Variants in RPS6KC1 observed in about 807,000 individuals in gnomAD.
RPS6KC1 encodes inactive ribosomal protein S6 kinase delta-1.
RPS6KC1 carries 54 observed loss-of-function variants against 103.8 expected under a neutral mutation model. The observed-to-expected ratio is 0.52, with a 90% CI of 0.42 to 0.65. The LOEUF is 0.65. RPS6KC1 is among the 30% of genes least tolerant of loss of function. The pLI, the probability that RPS6KC1 is intolerant of heterozygous loss-of-function variation, is 0.00. For missense variants in RPS6KC1, 1,151 were observed against 1,253.8 expected (o/e 0.92, Z 1.24); for synonymous variants, 439 against 438.7 (o/e 1.00, Z -0.01).
chr1:213,151,833 A>C (rs1415817300), intron 6 of RPS6KC1, among the ~76,000 whole-genome samples: 5 of 77,542 alleles, frequency 6.4e-5, no homozygotes, highest in Admixed American at 1.4e-4. Context: ...CGAGGGGCTG[A>C]CCCCCCCACC....
chr1:213,678,535 A>T, the RPS6KC1 span, among the ~76,000 whole-genome samples: 2 of 152,244 alleles, frequency 1.3e-5, no homozygotes, highest in Non-Finnish European at 2.9e-5. Flanking sequence ...GAGGGCAGCT[A>T]GGCATGTGCC....
chr1:213,465,160 C>T, the RPS6KC1 span, among the ~76,000 whole-genome samples: 1 of 152,136 alleles, frequency 6.6e-6, no homozygotes, highest in Admixed American at 6.5e-5. Flanking sequence ...TCACCTTCTC[C>T]CTCTGCCCAG....
At chr1:213,431,951 C>A in the RPS6KC1 span, among the ~76,000 whole-genome samples, 3,932 of 152,200 alleles carry the variant, frequency 0.026, 183 homozygotes, top group African/African-American at 0.09. Flanking sequence ...CTGCTCCACA[C>A]CCTCACTAGC....
the RPS6KC1 span, among the ~76,000 whole-genome samples, chr1:213,548,770 A>G: frequency 6.6e-6 from 1 of 152,174 alleles, no homozygotes; most frequent in Non-Finnish European, 1.5e-5. Flanking sequence ...ATATTGTATG[A>G]TTTAATCTAT....
chr1:213,688,972 A>G, the RPS6KC1 span, among the ~76,000 whole-genome samples: 28 of 152,198 alleles, frequency 1.8e-4, no homozygotes, highest in Non-Finnish European at 5.9e-5. Context: ...ACGTTGTGGG[A>G]GAGAGAAGGG....
the RPS6KC1 span, among the ~76,000 whole-genome samples, chr1:213,333,550 T>C: frequency 1.3e-5 from 2 of 152,214 alleles, no homozygotes; most frequent in African/African-American, 4.8e-5. Context: ...GCTTCAGGTA[T>C]GGTGTAGCCA....
At chr1:213,510,898 G>C in the RPS6KC1 span, among the ~76,000 whole-genome samples, 1 of 152,104 alleles carries the variant, frequency 6.6e-6, no homozygotes, top group Non-Finnish European at 1.5e-5. Context: ...AAGTCATAGG[G>C]AATTAATAAA....
At chr1:213,696,975 T>C in the RPS6KC1 span, among the ~76,000 whole-genome samples, 1 of 152,218 alleles carries the variant, frequency 6.6e-6, no homozygotes, top group Non-Finnish European at 1.5e-5. Flanking sequence ...GACAAGAGGC[T>C]GTCACCTATA....
chr1:213,388,182 T>C, the RPS6KC1 span, among the ~76,000 whole-genome samples: 1 of 152,236 alleles, frequency 6.6e-6, no homozygotes, highest in African/African-American at 2.4e-5. Flanking sequence ...TGCATGATGC[T>C]GACAGACCTC....
At chr1:213,716,396 A>C in the RPS6KC1 span, among the ~76,000 whole-genome samples, 11 of 152,190 alleles carry the variant, frequency 7.2e-5, no homozygotes, top group Admixed American at 5.9e-4. Flanking sequence ...GTCTCCTGGA[A>C]ACTCAGCCCA....
chr1:213,280,389 T>C, the RPS6KC1 span, among the ~76,000 whole-genome samples: 1 of 152,218 alleles, frequency 6.6e-6, no homozygotes, highest in Non-Finnish European at 1.5e-5. Flanking sequence ...TTTGATGACT[T>C]GTATAGTGTT....
At chr1:213,815,051 T>C in the RPS6KC1 span, among the ~76,000 whole-genome samples, 7 of 152,174 alleles carry the variant, frequency 4.6e-5, no homozygotes, top group East Asian at 1.9e-4. Context: ...GAGGGAGCCA[T>C]TGGGGGATGA....
chr1:213,340,748 T>C, the RPS6KC1 span, among the ~76,000 whole-genome samples: 1 of 152,260 alleles, frequency 6.6e-6, no homozygotes, highest in Non-Finnish European at 1.5e-5. Context: ...AACAATGACC[T>C]TTCCTCTTCT....
the RPS6KC1 span, among the ~76,000 whole-genome samples, chr1:213,624,164 G>C: frequency 6.6e-6 from 1 of 152,190 alleles, no homozygotes; most frequent in South Asian, 2.1e-4. Flanking sequence ...CTGAGGCTCT[G>C]TGACCTAACC....
the RPS6KC1 span, among the ~76,000 whole-genome samples, chr1:213,651,680 G>A: frequency 0.42 from 64,102 of 152,034 alleles, 14,097 homozygotes; most frequent in Non-Finnish European, 0.5. Context: ...GAGGCAGAAC[G>A]AGGGCCTACC....
At chr1:213,112,609 A>G (rs879889614) in intron 4 of RPS6KC1, among the ~76,000 whole-genome samples, 1 of 151,788 alleles carries the variant, frequency 6.6e-6, no homozygotes, top group Non-Finnish European at 1.5e-5. Flanking sequence ...ACATGTGCAC[A>G]ATGTGCAGGG....
intron 2 of RPS6KC1, chr1:213,072,777 A>T: frequency 6.1e-6 from 1 of 163,112 alleles, no homozygotes; most frequent in Non-Finnish European, 1.3e-5. Context: ...TTTCTAGTTT[A>T]CAACTCTTAA....
the RPS6KC1 span, among the ~76,000 whole-genome samples, chr1:213,280,123 G>A: frequency 6.6e-6 from 1 of 152,116 alleles, no homozygotes; most frequent in Admixed American, 6.5e-5. Flanking sequence ...TCCTTGTGTC[G>A]GTGGGAAAGG....
chr1:213,598,098 T>C, the RPS6KC1 span, among the ~76,000 whole-genome samples: 2 of 152,198 alleles, frequency 1.3e-5, no homozygotes, highest in African/African-American at 4.8e-5. Flanking sequence ...GCCCCACAAC[T>C]TGTAGAAACA....
Sources: allele counts gnomAD v4.1 joint callset (sites outside exome capture counted in the v4.1 genomes callset), GRCh38; gene constraint gnomAD v4.1.1; transcripts MANE v1.5; gene names NCBI Gene and HGNC (gene_info 2026-07-23, HGNC 2026-07-21).